The following PCMT1 variants were observed in gnomAD, a reference collection of about 807,000 sequenced individuals.
PCMT1 encodes protein-L-isoaspartate (D-aspartate) O-methyltransferase.
A neutral mutation model predicts 29.2 loss-of-function variants in PCMT1; 9 were observed. That is an observed-to-expected ratio of 0.31 (90% confidence interval 0.19 to 0.54). The LOEUF is 0.54. Ranked by LOEUF, PCMT1 falls within the 20% of genes least tolerant of loss-of-function variation. PCMT1 has a pLI of 0.95. For missense variants in PCMT1, 184 were observed against 282.2 expected, an observed-to-expected ratio of 0.65 and a Z score of 2.49; for synonymous variants, 98 against 97.5, an observed-to-expected ratio of 1.00 and a Z score of -0.03.
intron 3 of PCMT1, among the ~76,000 whole-genome samples, chr6:149,779,394 C>T (rs1303233262): frequency 2.0e-5 from 3 of 152,196 alleles, no homozygotes; most frequent in African/African-American, 7.2e-5. Context: ...ATCAGACTTT[C>T]TGGACCCTAG....
intron 7 of PCMT1, among the ~76,000 whole-genome samples, chr6:149,808,836 C>T (rs1776081774): frequency 6.6e-6 from 1 of 151,822 alleles, no homozygotes; most frequent in African/African-American, 2.4e-5. Flanking sequence ...CGAGGTTTCA[C>T]CATGTTAGCC....
intron 1 of PCMT1, among the ~76,000 whole-genome samples, chr6:149,750,820 C>G (rs1456585543): frequency 6.6e-6 from 1 of 152,076 alleles, no homozygotes; most frequent in Admixed American, 6.6e-5. Context: ...CGAAATATAG[C>G]GTCCCCGTTT....
intron 1 of PCMT1, among the ~76,000 whole-genome samples, chr6:149,765,058 TA>T (rs1478303714): frequency 2.1e-5 from 3 of 139,672 alleles, no homozygotes; most frequent in Non-Finnish European, 4.6e-5. Context: ...AATAAATAAA[TA>T]TAAAAAATAA....
intron 3 of PCMT1, among the ~76,000 whole-genome samples, chr6:149,776,975 G>GA (rs1787597603): frequency 6.6e-6 from 1 of 152,054 alleles, no homozygotes; most frequent in Admixed American, 6.6e-5. Context: ...ATACATGAGT[G>GA]CAGAGTGACT....
chr6:149,755,525 T>C (rs1226903910), intron 1 of PCMT1, among the ~76,000 whole-genome samples: 1 of 152,102 alleles, frequency 6.6e-6, no homozygotes, highest in East Asian at 1.9e-4. Flanking sequence ...GTATTTCCTG[T>C]GGGTAAAGGG....
chr6:149,798,827 C>G lies in PCMT1; in HGVS notation c.504+2327C>G, dbSNP rs115666041. ...TTGGTGGCATCAAGACCTTGAAAAT[C>G]ATAGGTAAAACATGGGTCTGAAAAG... is the stretch of plus-strand genomic sequence containing the variant. On this transcript the variant is annotated intron_variant, in intron 6 of 7. Coordinates refer to ENST00000464889, the MANE Select transcript of PCMT1 (RefSeq NM_001360452.2). Among the ~76,000 whole-genome samples, 1,283 of 152,300 alleles carry G rather than the reference C, an allele frequency of 8.4e-3. 23 individuals are homozygous for G. Among genetic ancestry groups the G allele is most frequent in the African/African-American group, 0.029 (1,211 of 41,546 alleles).
chr6:149,763,136 GATATATATATCTATGATATAT>G (rs1260417003), intron 1 of PCMT1, among the ~76,000 whole-genome samples: 4 of 52,762 alleles, frequency 7.6e-5, no homozygotes, highest in Non-Finnish European at 1.1e-4. Flanking sequence ...TGATATATAT[GATATATATATCTATGATATAT>G]ATCTATGATA....
At chr6:149,807,188 G>A (rs1776040378) in intron 7 of PCMT1, among the ~76,000 whole-genome samples, 1 of 152,084 alleles carries the variant, frequency 6.6e-6, no homozygotes, top group Non-Finnish European at 1.5e-5. Flanking sequence ...TAGAAGGGGA[G>A]ACAATGCCAG....
chr6:149,809,401 T>C (rs1392038049), intron 7 of PCMT1, among the ~76,000 whole-genome samples: 1 of 152,070 alleles, frequency 6.6e-6, no homozygotes, highest in Non-Finnish European at 1.5e-5. Context: ...AATGCCTGCA[T>C]GAGTTAAGTA....
intron 6 of PCMT1, chr6:149,799,264 T>C (rs535500841): frequency 6.6e-6 from 1 of 152,220 alleles, no homozygotes; most frequent in East Asian, 1.9e-4. Context: ...CAGTGAACCA[T>C]GATTGCACCA....
At chr6:149,778,780 C>T (rs1039894802) in intron 3 of PCMT1, among the ~76,000 whole-genome samples, 2 of 152,134 alleles carry the variant, frequency 1.3e-5, no homozygotes, top group South Asian at 4.1e-4. Context: ...CTCAAGCGAT[C>T]CTCCCACCTC....
chr6:149,786,461 G>A (rs1295570375), intron 3 of PCMT1, among the ~76,000 whole-genome samples: 1 of 142,066 alleles, frequency 7.0e-6, no homozygotes, highest in Non-Finnish European at 1.5e-5. Flanking sequence ...GGGCGGAGAC[G>A]CTCCTCACTT....
intron 1 of PCMT1, among the ~76,000 whole-genome samples, chr6:149,757,307 G>T (rs1786546985): frequency 6.6e-6 from 1 of 152,182 alleles, no homozygotes; most frequent in Admixed American, 6.6e-5. Context: ...CTTTTGGATT[G>T]CAGTAGATCT....
chr6:149,780,508 A>G lies in PCMT1; in HGVS notation c.192+7339A>G, dbSNP rs189429948. Reference sequence around the variant, plus strand: ...CTTCCTTATACCCATTAGCAGTCAGATCCCAACCCCTGCTCTGCTCAGGTC... The same window carrying G: ...CTTCCTTATACCCATTAGCAGTCAGGTCCCAACCCCTGCTCTGCTCAGGTC... On this transcript the variant is annotated intron_variant, in intron 3 of 7. Transcript: ENST00000464889. Among the ~76,000 whole-genome samples the G allele has an allele frequency of 6.6e-3, 1,005 of 152,276 alleles. 12 individuals carry two copies. The highest frequency in any genetic ancestry group is 0.023 in the African/African-American group (951 of 41,556).
chr6:149,804,044 G>T (rs1176766911), intron 7 of PCMT1, among the ~76,000 whole-genome samples: 1 of 127,020 alleles, frequency 7.9e-6, no homozygotes, highest in Non-Finnish European at 1.5e-5. Context: ...TCACACTACT[G>T]CCTTCTAGCC....
At chr6:149,766,001 C>G (rs1318473844) in intron 1 of PCMT1, among the ~76,000 whole-genome samples, 1 of 147,108 alleles carries the variant, frequency 6.8e-6, no homozygotes, top group Non-Finnish European at 1.5e-5. Context: ...TTTTTACTAT[C>G]TGGTTTATCA....
chr6:149,798,186 T>C (rs1347261745), intron 6 of PCMT1: 1 of 116,104 alleles, frequency 8.6e-6, no homozygotes, highest in Non-Finnish European at 1.6e-5. Flanking sequence ...AAAAAAAAGG[T>C]AGATTGAACT....
intron 4 of PCMT1, among the ~76,000 whole-genome samples, chr6:149,791,302 A>G (rs780111655): frequency 6.6e-6 from 1 of 152,266 alleles, no homozygotes; most frequent in Non-Finnish European, 1.5e-5. Context: ...AAACTTCTGC[A>G]TTAGAAAAAG....
intron 6 of PCMT1, chr6:149,797,958 A>G: frequency 6.6e-6 from 1 of 152,226 alleles, no homozygotes; most frequent in Non-Finnish European, 1.5e-5. Flanking sequence ...TTGCGCTCAG[A>G]AGTTCGAGAC....
Sources: gnomAD v4.1 joint callset for allele counts (sites outside exome capture counted in the v4.1 genomes callset) on GRCh38, gnomAD v4.1.1 for gene constraint, MANE v1.5 for transcripts, NCBI Gene and HGNC (gene_info 2026-07-23, HGNC 2026-07-21) for gene names.